Variants in PPM1E observed in about 807,000 individuals in gnomAD.
PPM1E encodes the protein protein phosphatase 1E.
A neutral mutation model predicts 65.9 loss-of-function variants in PPM1E; 20 were observed. The ratio of observed to expected loss-of-function variants is 0.30; its 90% CI spans 0.21 to 0.44. The LOEUF (loss-of-function observed/expected upper bound fraction) is 0.44, where lower values mean the gene tolerates loss of function less well. Ranked by LOEUF, PPM1E falls within the 20% of genes least tolerant of loss-of-function variation. The probability of loss-of-function intolerance (pLI) is 1.00; values close to 1 mark genes in which losing one functional copy is unlikely to be tolerated. For synonymous variants in PPM1E, 352 were observed against 374.9 expected, an observed-to-expected ratio of 0.94 and a Z score of 0.70; for missense variants, 713 against 953.1, an observed-to-expected ratio of 0.75 and a Z score of 3.32.
chr17:58,910,034 C>G (rs925542009), intron 1 of PPM1E, among the ~76,000 whole-genome samples: 1 of 148,834 alleles, frequency 6.7e-6, no homozygotes, highest in African/African-American at 2.5e-5. Context: ...TCCCAACTAG[C>G]TGGGATTATA....
chr17:58,937,453 G>C lies in PPM1E; in HGVS notation c.465-18196G>C, dbSNP rs1222446192. ...TAATTTTTGTATTTTTAGTAGAGAC[G>C]GGGTTTCACCACCTTGGCCAGGCTG... On this transcript the variant is annotated intron_variant, in intron 1 of 6. Coordinates refer to ENST00000308249, the MANE Select transcript of PPM1E (RefSeq NM_014906.5). Among the ~76,000 whole-genome samples, 2 of 150,068 alleles carry C rather than the reference G, an allele frequency of 1.3e-5. 1 individual carries two copies. The highest frequency in any genetic ancestry group is 4.1e-4 in the East Asian group (2 of 4,906).
intron 1 of PPM1E, among the ~76,000 whole-genome samples, chr17:58,895,721 G>T (rs1319092415): frequency 6.6e-6 from 1 of 152,080 alleles, no homozygotes; most frequent in Non-Finnish European, 1.5e-5. Context: ...TTAGGTGGGG[G>T]TACTGCTTGA....
At chr17:58,767,247 TA>T (rs1022542334) in intron 1 of PPM1E, among the ~76,000 whole-genome samples, 5 of 152,150 alleles carry the variant, frequency 3.3e-5, no homozygotes, top group Non-Finnish European at 7.3e-5. Flanking sequence ...TTAATCATCA[TA>T]AAAATATATG....
chr17:58,940,954 A>C (rs1304228520), intron 1 of PPM1E, among the ~76,000 whole-genome samples: 1 of 152,142 alleles, frequency 6.6e-6, no homozygotes, highest in African/African-American at 2.4e-5. Context: ...CAGGTGATCC[A>C]CCCACCTCAG....
chr17:58,807,002 C>A (rs2050322678), intron 1 of PPM1E, among the ~76,000 whole-genome samples: 1 of 151,842 alleles, frequency 6.6e-6, no homozygotes, highest in South Asian at 2.1e-4. Flanking sequence ...CCATGCCTGG[C>A]CTTGTTTTGT....
chr17:58,947,325 C>T (rs1390238472), intron 1 of PPM1E, among the ~76,000 whole-genome samples: 1 of 147,494 alleles, frequency 6.8e-6, no homozygotes, highest in Non-Finnish European at 1.5e-5. Flanking sequence ...CAACCTCTGC[C>T]TCTTGGGTTC....
At chr17:58,906,965 A>G (rs989919409) in intron 1 of PPM1E, among the ~76,000 whole-genome samples, 1 of 152,188 alleles carries the variant, frequency 6.6e-6, no homozygotes, top group African/African-American at 2.4e-5. Context: ...GGCCAGGCCC[A>G]GGGGCTTACG....
At chr17:58,967,415 C>T (rs1373892433) in intron 3 of PPM1E, among the ~76,000 whole-genome samples, 2 of 151,062 alleles carry the variant, frequency 1.3e-5, no homozygotes, top group East Asian at 3.9e-4. Flanking sequence ...AATCTTAGTG[C>T]GATGAGGAAA....
intron 1 of PPM1E, among the ~76,000 whole-genome samples, chr17:58,772,328 C>T (rs550822702): frequency 1.5e-4 from 23 of 152,094 alleles, no homozygotes; most frequent in East Asian, 3.9e-4. Flanking sequence ...TGGTGGCGTG[C>T]GCCTGTAGCC....
At chr17:58,805,875 A>G (rs72828707) in intron 1 of PPM1E, among the ~76,000 whole-genome samples, 36,309 of 148,314 alleles carry the variant, frequency 0.24, 5,201 homozygotes, top group Middle Eastern at 0.42. Flanking sequence ...GGAAGCCTAA[A>G]ATGTATGATT....
At chr17:58,842,348 A>C (rs1256971505) in intron 1 of PPM1E, among the ~76,000 whole-genome samples, 1 of 152,236 alleles carries the variant, frequency 6.6e-6, no homozygotes. Context: ...AAACTAAGGA[A>C]ATCAAACTAT....
intron 1 of PPM1E, among the ~76,000 whole-genome samples, chr17:58,810,364 G>T (rs893897980): frequency 4.6e-5 from 7 of 151,998 alleles, no homozygotes; most frequent in African/African-American, 1.5e-4. Flanking sequence ...GCGCCACCAT[G>T]CCCAGCTAAT....
intron 1 of PPM1E, among the ~76,000 whole-genome samples, chr17:58,904,202 T>C (rs2051529118): frequency 6.6e-6 from 1 of 152,016 alleles, no homozygotes. Flanking sequence ...TTGAAGTCTT[T>C]CTTATATAAT....
chr17:58,771,566 T>G (rs1366909333), intron 1 of PPM1E, among the ~76,000 whole-genome samples: 1 of 150,910 alleles, frequency 6.6e-6, no homozygotes, highest in Non-Finnish European at 1.5e-5. Context: ...GGAGTTGCAG[T>G]GAGCCCAGTT....
chr17:58,808,162 T>C (rs1481468352), intron 1 of PPM1E, among the ~76,000 whole-genome samples: 2 of 152,222 alleles, frequency 1.3e-5, no homozygotes, highest in Non-Finnish European at 2.9e-5. Context: ...TATGTTAAAT[T>C]GGTGATTTGT....
At chr17:58,898,120 T>C (rs1490595369) in intron 1 of PPM1E, among the ~76,000 whole-genome samples, 1 of 151,820 alleles carries the variant, frequency 6.6e-6, no homozygotes, top group Non-Finnish European at 1.5e-5. Flanking sequence ...GGTGTGGTGG[T>C]ATGCACCTGA....
intron 1 of PPM1E, among the ~76,000 whole-genome samples, chr17:58,884,078 C>G (rs1376495089): frequency 6.6e-6 from 1 of 152,212 alleles, no homozygotes; most frequent in Non-Finnish European, 1.5e-5. Flanking sequence ...CCTGCGTCCT[C>G]TACTGTACCT....
intron 1 of PPM1E, among the ~76,000 whole-genome samples, chr17:58,844,390 GAACAT>G (rs1466405858): frequency 1.3e-5 from 2 of 152,060 alleles, no homozygotes; most frequent in African/African-American, 4.8e-5. Flanking sequence ...ATAAAAATGA[GAACAT>G]AATGCTTACA....
intron 4 of PPM1E, 126 bp downstream of exon 4, chr17:58,969,853 T>A: frequency 1.1e-6 from 1 of 891,262 alleles, no homozygotes; most frequent in Non-Finnish European, 1.7e-6. Context: ...TATTCTTGAC[T>A]CACAGTATTG....
Sources: gnomAD v4.1 joint callset for allele counts (sites outside exome capture counted in the v4.1 genomes callset) on GRCh38, gnomAD v4.1.1 for gene constraint, MANE v1.5 for transcripts, NCBI Gene and HGNC (gene_info 2026-07-23, HGNC 2026-07-21) for gene names.